ABCC10: variants seen among roughly 807,000 people sequenced by gnomAD.
ABCC10 encodes ATP binding cassette subfamily C member 10, also known as ATP-binding cassette sub-family C member 10.
A neutral mutation model predicts 143.2 loss-of-function variants in ABCC10; 110 were observed. That is an observed-to-expected ratio of 0.77 (90% CI 0.66 to 0.90). The LOEUF is 0.90. Among genes scored for constraint, ABCC10 ranks in the 40% least tolerant of loss-of-function variants. ABCC10 has a pLI of 0.00. For synonymous variants in ABCC10, 805 were observed against 846.7 expected, an observed-to-expected ratio of 0.95 and a Z score of 0.85; for missense variants, 1,700 against 1,900.5, an observed-to-expected ratio of 0.89 and a Z score of 1.96.
chr6:43,442,926 A>C, intron 9 of ABCC10, 44 bp from the exon 10 acceptor site: 1 of 1,480,816 alleles, frequency 6.8e-7, no homozygotes, highest in Middle Eastern at 1.8e-4. Context: ...TTCTCCGGAG[A>C]GCCTTTGGGT....
intron 6 of ABCC10, 74 bp from the exon 7 acceptor site, chr6:43,437,860 T>G (rs1581734360): frequency 6.9e-7 from 1 of 1,446,426 alleles, no homozygotes; most frequent in Non-Finnish European, 9.5e-7. Context: ...CAGCCCAGAG[T>G]GTCAAGAGGG....
chr6:43,431,449 C>G (rs1214503029), intron 2 of ABCC10, among the ~76,000 whole-genome samples: 1 of 152,180 alleles, frequency 6.6e-6, no homozygotes, highest in Non-Finnish European at 1.5e-5. Flanking sequence ...CAACCTCCAT[C>G]TCCCAGATTC....
chr6:43,450,673 CA>C, downstream of ABCC10: 1 of 1,613,960 alleles, frequency 6.2e-7, no homozygotes, highest in African/African-American at 1.3e-5. The surrounding 1 kb of genome is among the most constrained non-coding windows in gnomAD (Gnocchi z 4.5). Flanking sequence ...CAACAGGGTC[CA>C]GGGGGGCAGA....
At chr6:43,430,572 C>T (rs55865832) in intron 2 of ABCC10, among the ~76,000 whole-genome samples, 1 of 151,402 alleles carries the variant, frequency 6.6e-6, no homozygotes, top group South Asian at 2.1e-4. Flanking sequence ...TCCAGCCTGG[C>T]GACAGAGCAA....
At chr6:43,445,019 C>A in intron 13 of ABCC10, 81 bp downstream of exon 13, 1 of 1,580,636 alleles carries the variant, frequency 6.3e-7, no homozygotes, top group Non-Finnish European at 8.6e-7. Flanking sequence ...GCCGGTATTC[C>A]AGATGCTGTG....
At position 43,434,793 on chromosome 6, in the gene ABCC10, CCATCGTTATCTT is replaced by C. The variant is rs1479638938; in HGVS notation, c.1558_1569del (p.Val520_Ile523del). 3 of 1,614,058 alleles carry C rather than the reference CCATCGTTATCTT, an allele frequency of 1.9e-6. No individual in the cohort carries two copies. The highest frequency in any genetic ancestry group is 2.7e-5 in the African/African-American group (2 of 74,918). ...TGGGCTGCCCTACCGGTTGTCATCT[CCATCGTTATCTT>C]CATCACCTATGTCCTCATGGGGCAC... is the stretch of plus-strand genomic sequence containing the variant. On this transcript the variant is annotated inframe_deletion, in exon 4 of 22. Coordinates refer to ENST00000372530, the MANE Select transcript of ABCC10 (RefSeq NM_001198934.2).
At chr6:43,448,002 A>G (rs1234566753) in intron 18 of ABCC10, 65 bp downstream of exon 18, 15 of 1,592,520 alleles carry the variant, frequency 9.4e-6, no homozygotes, top group South Asian at 1.1e-5. Flanking sequence ...AGAGGAGGGC[A>G]TAGCCAGGAA....
chr6:43,443,565 T>G lies in ABCC10; in HGVS notation c.2417-368T>G. The G allele has an allele frequency of 3.6e-6, 1 of 275,354 alleles. No homozygotes were observed. The highest frequency in any genetic ancestry group is 6.9e-6 in the Non-Finnish European group (1 of 145,984). The allele number at this position is 275,354 out of a possible 1,614,324, so 17.1% of individuals were successfully genotyped here. On this transcript the variant is annotated intron_variant, in intron 10 of 21. Transcript: ENST00000372530. The surrounding 1 kb of genome is among the most constrained non-coding windows in gnomAD (Gnocchi z 4.2). The stretch of plus-strand genomic sequence containing the variant: ...GGAGAGAAATAGGAGGAAATGAAGC[T>G]CCAGCCAGATATTAGGAATTGAGCG...
intron 7 of ABCC10, chr6:43,438,373 C>T: frequency 4.9e-6 from 7 of 1,418,866 alleles, no homozygotes; most frequent in Non-Finnish European, 6.4e-6. Flanking sequence ...ATACTCTCCA[C>T]TGAGCTCCTG....
downstream of ABCC10, chr6:43,450,447 T>G: frequency 7.1e-7 from 1 of 1,408,158 alleles, no homozygotes; most frequent in Non-Finnish European, 9.5e-7. The surrounding 1 kb of genome is among the most constrained non-coding windows in gnomAD (Gnocchi z 4.5). Flanking sequence ...CTCCTCTGTG[T>G]GTGTACCCAA....
Position 43,448,879 on chromosome 6 carries a change from A to G in ABCC10, c.3960-2A>G. ...ACTAGACTCCATGTCATTGTCCCCCAGATCCCAGTTGGCTATCATCCCCCA... is the reference window on the plus strand; with the variant it reads ...ACTAGACTCCATGTCATTGTCCCCCGGATCCCAGTTGGCTATCATCCCCCA... On this transcript the variant is annotated splice_acceptor_variant, in intron 18 of 21. Coordinates refer to ENST00000372530, the MANE Select transcript of ABCC10 (RefSeq NM_001198934.2). LOFTEE classifies it high-confidence loss of function. 1.2e-6 allele frequency: 2 copies of G among 1,609,120 alleles called. No individual in the cohort carries two copies. Among genetic ancestry groups the G allele is most frequent in the Non-Finnish European group, 1.7e-6 (2 of 1,177,922 alleles).
chr6:43,447,857 C>T lies in ABCC10; in HGVS notation c.3879C>T (p.Leu1293=). ...GCAAGTCTTCCCTGTTGTTGGTGCT[C>T]TTCCGGCTGCTAGAGCCCAGTTCAG... ...GSGKSSLLLV[L]FRLLEPSSGR... The change falls in exon 18 of 22, where the codon CTC becomes CTT. Residue 1293 remains leucine, a synonymous_variant. Transcript: ENST00000372530. The T allele has an allele frequency of 6.2e-7, 1 of 1,613,918 alleles. No homozygotes were observed. The highest frequency in any genetic ancestry group is 8.5e-7 in the Non-Finnish European group (1 of 1,180,034).
intron 12 of ABCC10, 145 bp from the exon 13 acceptor site, chr6:43,444,643 T>G (rs1782830765): frequency 2.5e-6 from 3 of 1,191,830 alleles, no homozygotes; most frequent in African/African-American, 1.5e-5. Context: ...AGGGAGGATA[T>G]GGGGTAGTGG....
At position 43,432,230 on chromosome 6, in the gene ABCC10, C is replaced by G. The variant is rs776083630; in HGVS notation, c.250C>G (p.Leu84Val). Residue 84 changes from leucine (L) to valine (V), a missense_variant, in exon 3 of 22, where the codon CTT (leucine) becomes GTT (valine). Coordinates refer to ENST00000372530, the MANE Select transcript of ABCC10 (RefSeq NM_001198934.2). ...GCTTTCCGTCTTCCCGCTGCTAGAC[C>G]TTCTTCCAGTTGCTTTGCCACCAGG... ...FLLSVFPLLD[L>V]LPVALPPGAG... The G allele has an allele frequency of 1.2e-6, 2 of 1,614,128 alleles. No homozygotes were observed. The highest frequency in any genetic ancestry group is 2.7e-5 in the African/African-American group (2 of 74,946).
rs758395566 is a variant in ABCC10, at chr6:43,443,853, G to A, written c.2417-80G>A. On this transcript the variant is annotated intron_variant, in intron 10 of 21. Transcript: ENST00000372530. This position sits in a 1 kb window ranked among gnomAD's most constrained non-coding sequence, Gnocchi z 4.2. ...ACGGGGAGGCCTGAGAGGATGAGAG[G>A]TGGGATCTGCACACGCACTGAGAAA... The A allele has an allele frequency of 5.0e-6, 7 of 1,396,652 alleles. No homozygotes were observed. The highest frequency in any genetic ancestry group is 6.1e-6 in the Non-Finnish European group (6 of 983,100). The allele number at this position is 1,396,652 out of a possible 1,614,324, so 86.5% of individuals were successfully genotyped here. A position where few individuals can be genotyped will look rare whatever the true frequency, so the allele number is the denominator to read the frequency against.
chr6:43,432,166 C>G lies in ABCC10; in HGVS notation c.186C>G (p.Cys62Trp). The G allele has an allele frequency of 6.2e-7, 1 of 1,614,208 alleles. No homozygotes were observed. Among genetic ancestry groups the G allele is most frequent in the Non-Finnish European group, 8.5e-7 (1 of 1,180,038 alleles). Residue 62 changes from cysteine to tryptophan, a missense_variant, in exon 3 of 22, where the codon TGC (cysteine) becomes TGG (tryptophan). Cys to Trp is a radical substitution (Grantham distance 215). Transcript: ENST00000372530. The stretch of plus-strand genomic sequence containing the variant: ...GGAGTCCAGATTACATCCTACCCTG[C>G]AGTCCTGGATGGCGCCTCCGACTTG... ...TPRSPDYILP[C>W]SPGWRLRLAA...
chr6:43,432,530 G>T lies in ABCC10; in HGVS notation c.550G>T (p.Ala184Ser). 1.2e-6 allele frequency: 2 copies of T among 1,612,684 alleles called. No individual in the cohort carries two copies. Among genetic ancestry groups the T allele is most frequent in the Non-Finnish European group, 8.5e-7 (1 of 1,180,040 alleles). Residue 184 changes from alanine to serine, a missense_variant, in exon 3 of 22, where the codon GCC (alanine) becomes TCC (serine). Ala to Ser is a moderately conservative substitution (Grantham distance 99, BLOSUM62 1). Transcript: ENST00000372530. ...LLILQLAALLAYALGWAAPGG... is the reference protein window; with the variant it reads ...LLILQLAALLSYALGWAAPGG... ...CATCCTGCAGCTGGCTGCACTCTTG[G>T]CCTATGCACTGGGATGGGCAGCTCC...
chr6:43,447,487 G>T, intron 17 of ABCC10, 79 bp downstream of exon 17: 1 of 1,562,626 alleles, frequency 6.4e-7, no homozygotes. Flanking sequence ...CTTTCTTTTT[G>T]CCCACCCATC....
Position 43,445,724 on chromosome 6 carries a change from C to G in ABCC10, c.3156C>G (p.Gly1052=). 1.9e-6 allele frequency: 3 copies of G among 1,614,202 alleles called. No homozygotes were observed. The highest frequency in any genetic ancestry group is 2.5e-6 in the Non-Finnish European group (3 of 1,180,048). ...ACATCCTCCTGGCCAACGCGGCAGG[C>G]CTGCTGGGGCTCCTGGCCGTGCTGG... The part of the protein sequence containing the change: ...ILNILLANAA[G]LLGLLAVLGS... Residue 1052 remains glycine, a synonymous_variant, in exon 15 of 22, where the codon GGC becomes GGG. Transcript: ENST00000372530.
Sources: gnomAD v4.1 joint callset for allele counts (sites outside exome capture counted in the v4.1 genomes callset) on GRCh38, gnomAD v4.1.1 for gene constraint, Gnocchi (gnomAD v3.1) non-coding constraint, MANE v1.5 for transcripts, NCBI Gene and HGNC (gene_info 2026-07-23, HGNC 2026-07-21) for gene names.